Variants in FCF1 observed in about 807,000 individuals in gnomAD.
FCF1 encodes FCF1 rRNA-processing protein.
In FCF1, 17 loss-of-function variants were observed where a neutral mutation model predicts 32.5. The observed-to-expected ratio is 0.52, with a 90% confidence interval of 0.36 to 0.78. FCF1 has a LOEUF of 0.78. FCF1 is among the 30% of genes least tolerant of loss of function. The probability of loss-of-function intolerance (pLI) is 0.00; values close to 1 mark genes in which losing one functional copy is unlikely to be tolerated. For missense variants in FCF1, 201 were observed against 241.1 expected (o/e 0.83, Z 1.10); for synonymous variants, 84 against 78.4 (o/e 1.07, Z -0.38).
At chr14:74,717,506 G>GT (rs1566714945) in intron 4 of FCF1, among the ~76,000 whole-genome samples, 1 of 152,174 alleles carries the variant, frequency 6.6e-6, no homozygotes. Context: ...GGGGACCATT[G>GT]TTTTTTCATA....
chr14:74,714,002 T>C (rs1010204986), intron 2 of FCF1, among the ~76,000 whole-genome samples: 11 of 152,208 alleles, frequency 7.2e-5, no homozygotes, highest in Non-Finnish European at 1.3e-4. Flanking sequence ...CTCCAAGATA[T>C]CTCCATTTTA....
At position 74,714,903 on chromosome 14, in the gene FCF1, A is replaced by G; in HGVS notation, c.103A>G (p.Lys35Glu). Residue 35 changes from lysine (K) to glutamate (E), a missense_variant, in exon 3 of 8, where the codon AAA becomes GAA. This residue lies in a region of FCF1 where 76 missense variants were observed against 75.0 expected (regional missense o/e 1.01). Transcript: ENST00000341162. ...KEKDRLKPKKKEKKDPSALKE... is the reference protein window; with the variant it reads ...KEKDRLKPKKEEKKDPSALKE... ...AAAGGATAGATTAAAACCTAAAAAG[A>G]AAGAAAAGAAGGATCCCAGCGCATT... 6.3e-7 allele frequency: 1 copy of G among 1,595,702 alleles called. No individual in the cohort carries two copies. Among genetic ancestry groups the G allele is most frequent in the East Asian group, 2.2e-5 (1 of 44,534 alleles).
intron 5 of FCF1, among the ~76,000 whole-genome samples, chr14:74,725,095 G>A (rs2090558653): frequency 6.6e-6 from 1 of 151,508 alleles, no homozygotes; most frequent in Non-Finnish European, 1.5e-5. Context: ...GAAAAAGATT[G>A]CTATAGAGAA....
intron 5 of FCF1, among the ~76,000 whole-genome samples, chr14:74,732,352 G>T (rs1458249975): frequency 6.6e-6 from 1 of 152,000 alleles, no homozygotes; most frequent in Non-Finnish European, 1.5e-5. Flanking sequence ...TCATCCTTCT[G>T]CCTATATTCT....
rs1483871939 is a variant in FCF1, at chr14:74,713,172, G to C, written c.-26G>C. 1.9e-6 allele frequency: 3 copies of C among 1,614,070 alleles called. No homozygotes were observed. The highest frequency in any genetic ancestry group is 1.7e-6 in the Non-Finnish European group (2 of 1,180,046). On this transcript the variant is annotated 5_prime_UTR_variant, in exon 1 of 8. Coordinates refer to ENST00000341162, the MANE Select transcript of FCF1 (RefSeq NM_015962.5). Reference sequence around the variant, plus strand: ...GAAGTATTGCGCCGTTGGTGATTACGGAAGAACCAGGAGTTTGGCGTGACC... The same window carrying C: ...GAAGTATTGCGCCGTTGGTGATTACCGAAGAACCAGGAGTTTGGCGTGACC...
In FCF1 at chr14:74,738,219, G is replaced by A. The variant is rs1186799697; in HGVS notation, c.*3289G>A. ...AGCCTCTCAAGTAGCTGGGATTTTT[G>A]TATTTCTTACAGAGATGGGATTTTG... On this transcript the variant is annotated 3_prime_UTR_variant, in exon 8 of 8. Coordinates refer to ENST00000341162, the MANE Select transcript of FCF1 (RefSeq NM_015962.5). 2 of 151,830 alleles carry A rather than the reference G, an allele frequency of 1.3e-5. No homozygotes were observed. The highest frequency in any genetic ancestry group is 2.9e-5 in the Non-Finnish European group (2 of 68,012). 9.4% of individuals were successfully genotyped at this position (151,830 alleles called of 1,614,324 possible). A position where few individuals can be genotyped will look rare whatever the true frequency, so the allele number is the denominator to read the frequency against.
chr14:74,725,133 G>T (rs1317929950), intron 5 of FCF1, among the ~76,000 whole-genome samples: 1 of 151,816 alleles, frequency 6.6e-6, no homozygotes, highest in Non-Finnish European at 1.5e-5. Context: ...GTCAAGTATT[G>T]GCATCTTCTT....
intron 7 of FCF1, 123 bp downstream of exon 7, chr14:74,734,293 A>T: frequency 1.7e-6 from 1 of 593,640 alleles, no homozygotes; most frequent in Non-Finnish European, 2.9e-6. Flanking sequence ...TTACATAGTT[A>T]TATTTGAAGA....
intron 4 of FCF1, among the ~76,000 whole-genome samples, chr14:74,717,505 T>G (rs2090437222): frequency 6.6e-6 from 1 of 152,232 alleles, no homozygotes; most frequent in African/African-American, 2.4e-5. Context: ...AGGGGACCAT[T>G]GTTTTTTCAT....
intron 4 of FCF1, 115 bp from the exon 5 acceptor site, chr14:74,723,157 T>G (rs2090529086): frequency 1.4e-6 from 1 of 723,828 alleles, no homozygotes; most frequent in Admixed American, 2.0e-5. Flanking sequence ...AGTGTGCTAA[T>G]TCTGCTGTCA....
Position 74,713,503 on chromosome 14 carries a change from A to G in FCF1, c.22A>G (p.Arg8Gly). ...TTTCAAGGGGAAGCAAAAGAAAACAAGGAAGTATGCGACCATGAAGCGAAT... is the reference window on the plus strand; with the variant it reads ...TTTCAAGGGGAAGCAAAAGAAAACAGGGAAGTATGCGACCATGAAGCGAAT... MGKQKKTRKYATMKRMLS... is the reference protein window; with the variant it reads MGKQKKTGKYATMKRMLS... Residue 8 changes from arginine (R) to glycine (G), a missense_variant, in exon 2 of 8, where the codon AGG becomes GGG. Transcript: ENST00000341162. 6.2e-7 allele frequency: 1 copy of G among 1,612,660 alleles called. No individual in the cohort carries two copies. The highest frequency in any genetic ancestry group is 8.5e-7 in the Non-Finnish European group (1 of 1,179,984).
rs890304332 is a variant in FCF1 at position 74,737,848 on chromosome 14, C to G, written c.*2918C>G. On this transcript the variant is annotated 3_prime_UTR_variant, in exon 8 of 8. Transcript: ENST00000341162. ...AAATACAAAAAAACAATTAGGCAGG[C>G]ATGGTGGCAAATGCCTGTATTCCCA... 9.9e-5 allele frequency: 15 copies of G among 152,060 alleles called. No homozygotes were observed. The highest frequency in any genetic ancestry group is 3.6e-4 in the African/African-American group (15 of 41,408). The allele number at this position is 152,060 out of a possible 1,614,324, so 9.4% of individuals were successfully genotyped here.
In FCF1 at chr14:74,713,146, A is replaced by G. The variant is rs945890439; in HGVS notation, c.-52A>G. On this transcript the variant is annotated 5_prime_UTR_variant, in exon 1 of 8. Transcript: ENST00000341162. ...GCCGGAAGCAGTATGTGAATGACGTAGAAGTATTGCGCCGTTGGTGATTAC... is the reference window on the plus strand; with the variant it reads ...GCCGGAAGCAGTATGTGAATGACGTGGAAGTATTGCGCCGTTGGTGATTAC... The G allele has an allele frequency of 1.2e-6, 2 of 1,614,152 alleles. No individual in the cohort carries two copies. Among genetic ancestry groups the G allele is most frequent in the Non-Finnish European group, 1.7e-6 (2 of 1,180,020 alleles).
chr14:74,715,563 T>G (rs895067693), intron 3 of FCF1: 17 of 346,350 alleles, frequency 4.9e-5, no homozygotes, highest in Non-Finnish European at 8.9e-5. Flanking sequence ...CTGTTCTCTA[T>G]CACATTCCAT....
rs766785462 is a variant in FCF1, at chr14:74,713,552, TGTGA to T, written c.71+4_71+7del. On this transcript the variant is annotated splice_donor_variant and splice_donor_region_variant and intron_variant, in intron 2 of 7. Coordinates refer to ENST00000341162, the MANE Select transcript of FCF1 (RefSeq NM_015962.5). LOFTEE classifies it high-confidence loss of function. The stretch of plus-strand genomic sequence containing the variant: ...ATGCTTAGTCTCAGAGATCAGAGGC[TGTGA>T]GTGTCTGGAATCAACTGCCCAGGGA... 5.0e-6 allele frequency: 8 copies of T among 1,611,110 alleles called. No homozygotes were observed. Among genetic ancestry groups the T allele is most frequent in the South Asian group, 1.1e-5 (1 of 90,980 alleles).
chr14:74,724,616 A>G (rs2090551007), intron 5 of FCF1, among the ~76,000 whole-genome samples: 1 of 152,214 alleles, frequency 6.6e-6, no homozygotes, highest in South Asian at 2.1e-4. Flanking sequence ...TAACAGAAGA[A>G]ACTATAGGCT....
intron 5 of FCF1, among the ~76,000 whole-genome samples, chr14:74,725,093 T>C (rs1228150119): frequency 3.3e-5 from 5 of 150,922 alleles, no homozygotes; most frequent in African/African-American, 9.7e-5. Context: ...AAGAAAAAGA[T>C]TGCTATAGAG....
intron 5 of FCF1, among the ~76,000 whole-genome samples, chr14:74,726,079 A>C (rs1047174536): frequency 6.6e-6 from 1 of 152,124 alleles, no homozygotes; most frequent in Non-Finnish European, 1.5e-5. Context: ...AAAGAAAAGA[A>C]TAGATAAGCT....
chr14:74,719,778 A>G (rs1283411656), intron 4 of FCF1, among the ~76,000 whole-genome samples: 1 of 152,148 alleles, frequency 6.6e-6, no homozygotes, highest in Non-Finnish European at 1.5e-5. Flanking sequence ...AGGGGGAAAA[A>G]AAGGAAGTTG....
Sources: allele counts gnomAD v4.1 joint callset (sites outside exome capture counted in the v4.1 genomes callset), GRCh38; gene constraint gnomAD v4.1.1; regional missense constraint gnomAD v4.1.1; transcripts MANE v1.5; gene names NCBI Gene and HGNC (gene_info 2026-07-23, HGNC 2026-07-21).